Variants in SPIDR observed in about 807,000 individuals in gnomAD.
SPIDR encodes scaffold protein involved in DNA repair.
In SPIDR, 93 loss-of-function variants were observed where a neutral mutation model predicts 104.6. The ratio of observed to expected loss-of-function variants is 0.89; its 90% CI spans 0.75 to 1.06. The LOEUF is 1.06. Among genes scored for constraint, SPIDR ranks in the 50% least tolerant of loss-of-function variants. The pLI is 0.00. For synonymous variants in SPIDR, 431 were observed against 416.9 expected, an observed-to-expected ratio of 1.03 and a Z score of -0.41; for missense variants, 1,154 against 1,111.2, an observed-to-expected ratio of 1.04 and a Z score of -0.55.
intron 8 of SPIDR, among the ~76,000 whole-genome samples, chr8:47,512,463 T>A (rs918920109): frequency 2.0e-5 from 3 of 152,204 alleles, no homozygotes; most frequent in African/African-American, 7.2e-5. Context: ...CTGTTCCCCC[T>A]CTCTCTGTTT....
rs782412221 is a variant in SPIDR, at chr8:47,440,445, CCCAGGCCTGGA to C, written c.1001_1011del (p.Pro334ArgfsTer49). On this transcript the variant is annotated frameshift_variant, in exon 8 of 20. Coordinates refer to ENST00000297423, the MANE Select transcript of SPIDR (RefSeq NM_001080394.4). LOFTEE classifies it high-confidence loss of function. ...CACCAGCTCCTCCCAAAGTGTGGCT[CCCAGGCCTGGA>C]GCTGGCCTGAAAGTTCTCTTCACCA... is the stretch of plus-strand genomic sequence containing the variant. 1.2e-6 allele frequency: 2 copies of C among 1,614,058 alleles called. No individual in the cohort carries two copies. The highest frequency in any genetic ancestry group is 8.5e-7 in the Non-Finnish European group (1 of 1,180,030).
intron 11 of SPIDR, among the ~76,000 whole-genome samples, chr8:47,689,236 CA>C (rs1310638705): frequency 3.3e-5 from 5 of 152,138 alleles, no homozygotes; most frequent in African/African-American, 4.8e-5. Flanking sequence ...CAGGAAGCAT[CA>C]AGTGTTTTTG....
intron 7 of SPIDR, among the ~76,000 whole-genome samples, chr8:47,438,782 A>G (rs1240590515): frequency 1.3e-5 from 2 of 152,226 alleles, no homozygotes; most frequent in Non-Finnish European, 2.9e-5. Flanking sequence ...TAGGGGAGGC[A>G]AGGTGGCCCA....
intron 5 of SPIDR, among the ~76,000 whole-genome samples, chr8:47,348,290 A>G (rs2052605971): frequency 6.6e-6 from 1 of 152,212 alleles, no homozygotes; most frequent in South Asian, 2.1e-4. Flanking sequence ...CTCTCTTCTG[A>G]CTTGCAGAGT....
intron 10 of SPIDR, among the ~76,000 whole-genome samples, chr8:47,645,158 TG>T (rs35606721): frequency 6.6e-6 from 1 of 152,064 alleles, no homozygotes; most frequent in Non-Finnish European, 1.5e-5. Flanking sequence ...CCAGATCAAA[TG>T]GAATGTGGAG....
chr8:47,350,373 G>A (rs769020987), intron 5 of SPIDR, among the ~76,000 whole-genome samples: 4 of 152,186 alleles, frequency 2.6e-5, no homozygotes, highest in Non-Finnish European at 4.4e-5. Context: ...AAGTACAGTG[G>A]CGCAATCTCG....
chr8:47,509,707 A>G (rs539082826), intron 8 of SPIDR, among the ~76,000 whole-genome samples: 19 of 152,252 alleles, frequency 1.2e-4, no homozygotes, highest in Non-Finnish European at 2.5e-4. Flanking sequence ...AGATTCTTAC[A>G]GATGAGGAAA....
At chr8:47,652,045 C>A (rs1044896159) in intron 10 of SPIDR, among the ~76,000 whole-genome samples, 3 of 152,178 alleles carry the variant, frequency 2.0e-5, no homozygotes, top group African/African-American at 7.2e-5. Context: ...ACCTCAAAAT[C>A]TCAGACTTCA....
At chr8:47,388,097 T>G (rs1342463500) in intron 5 of SPIDR, among the ~76,000 whole-genome samples, 1 of 152,236 alleles carries the variant, frequency 6.6e-6, no homozygotes, top group Admixed American at 6.5e-5. Context: ...GAGAATTTTC[T>G]AATCCTCTGA....
rs141198315 is a variant in SPIDR, at chr8:47,408,914, A to G, written c.877+953A>G. Among the ~76,000 whole-genome samples the G allele has an allele frequency of 6.3e-4, 96 of 152,350 alleles. No individual in the cohort carries two copies. In the East Asian group the frequency reaches 0.018, roughly 29 times the overall value. ...AAAAGAATGAAATTCGGGACCGGGC[A>G]TGATGGCTCACGCCTGTAATCCCAG... On this transcript the variant is annotated intron_variant, in intron 7 of 19. Coordinates refer to ENST00000297423, the MANE Select transcript of SPIDR (RefSeq NM_001080394.4).
chr8:47,460,574 T>C (rs2073776101), intron 8 of SPIDR, among the ~76,000 whole-genome samples: 1 of 152,184 alleles, frequency 6.6e-6, no homozygotes, highest in East Asian at 1.9e-4. Context: ...GGTAAGTCTC[T>C]TGAAAGCAGC....
intron 11 of SPIDR, among the ~76,000 whole-genome samples, chr8:47,678,141 T>C (rs1425754981): frequency 6.6e-6 from 1 of 152,206 alleles, no homozygotes; most frequent in Non-Finnish European, 1.5e-5. Context: ...GGCATTGAGC[T>C]GTGTGCCAGA....
chr8:47,348,974 G>A (rs568532969), intron 5 of SPIDR, among the ~76,000 whole-genome samples: 11 of 152,222 alleles, frequency 7.2e-5, no homozygotes, highest in South Asian at 2.1e-4. Context: ...GTCATTCTCC[G>A]TCCAGCTTTA....
rs1364924039 is a variant in SPIDR, at chr8:47,497,100, T to C, written c.1097+56558T>C. Among the ~76,000 whole-genome samples, 3 of 142,636 alleles carry C rather than the reference T, an allele frequency of 2.1e-5. No individual in the cohort carries two copies. The East Asian group carries it at 5.8e-4, about 27-fold the overall frequency. The allele number at this position is 142,636 out of a possible 152,430, so 93.6% of individuals were successfully genotyped here. Reference sequence around the variant, plus strand: ...TTTTCACAATTTGAGCCTTCTCTCATTTTTTCTTGGTCACCCTAGCTAATA... The same window carrying C: ...TTTTCACAATTTGAGCCTTCTCTCACTTTTTCTTGGTCACCCTAGCTAATA... On this transcript the variant is annotated intron_variant, in intron 8 of 19. Coordinates refer to ENST00000297423, the MANE Select transcript of SPIDR (RefSeq NM_001080394.4).
intron 6 of SPIDR, among the ~76,000 whole-genome samples, chr8:47,406,173 A>G (rs782751631): frequency 2.6e-5 from 4 of 152,070 alleles, no homozygotes; most frequent in Non-Finnish European, 5.9e-5. Flanking sequence ...GGCAAAGAAT[A>G]CAGCATTTGC....
chr8:47,602,373 G>C lies in SPIDR; in HGVS notation c.1544+3177G>C, dbSNP rs188623672. On this transcript the variant is annotated intron_variant, in intron 10 of 19. Transcript: ENST00000297423. The stretch of plus-strand genomic sequence containing the variant: ...CTTGTCTTTCAGAATGGCTTTTCTT[G>C]AGCTCTTGTCATTATCTGCTCTACC... Among the ~76,000 whole-genome samples the C allele has an allele frequency of 3.5e-3, 538 of 152,300 alleles. 7 individuals carry two copies. Among genetic ancestry groups the C allele is most frequent in the African/African-American group, 0.012 (510 of 41,560 alleles).
At chr8:47,555,161 CT>C (rs2091169870) in intron 8 of SPIDR, among the ~76,000 whole-genome samples, 1 of 152,098 alleles carries the variant, frequency 6.6e-6, no homozygotes, top group African/African-American at 2.4e-5. Flanking sequence ...CATTATTTGA[CT>C]TTCCCAAAGG....
chr8:47,291,667 A>G (rs910495643), intron 4 of SPIDR, among the ~76,000 whole-genome samples: 30 of 152,206 alleles, frequency 2.0e-4, no homozygotes, highest in African/African-American at 4.8e-4. Context: ...TTTACAGTTA[A>G]CAACTTAAGC....
At chr8:47,413,788 A>G (rs1000564889) in intron 7 of SPIDR, among the ~76,000 whole-genome samples, 3 of 152,142 alleles carry the variant, frequency 2.0e-5, no homozygotes, top group Non-Finnish European at 4.4e-5. Context: ...ATGCAAACTA[A>G]TCTTCTAGAA....
Sources: gnomAD v4.1 joint callset for allele counts (sites outside exome capture counted in the v4.1 genomes callset) on GRCh38, gnomAD v4.1.1 for gene constraint, MANE v1.5 for transcripts, NCBI Gene and HGNC (gene_info 2026-07-23, HGNC 2026-07-21) for gene names.